EEF1E1: variants seen among roughly 807,000 people sequenced by gnomAD.
The protein encoded by EEF1E1 is eukaryotic translation elongation factor 1 epsilon 1.
A neutral mutation model predicts 19.9 loss-of-function variants in EEF1E1; 19 were observed. The observed-to-expected ratio is 0.95, with a 90% CI of 0.66 to 1.40. EEF1E1 has a LOEUF of 1.40. EEF1E1 is among the 40% of genes most tolerant of loss of function. The pLI is 0.00. For synonymous variants in EEF1E1, 81 were observed against 80.0 expected, an observed-to-expected ratio of 1.01 and a Z score of -0.07; for missense variants, 198 against 202.2, an observed-to-expected ratio of 0.98 and a Z score of 0.13.
At chr6:8,077,833 C>T (rs1013285527), downstream of EEF1E1, among the ~76,000 whole-genome samples, 1 of 152,100 alleles carries the variant, frequency 6.6e-6, no homozygotes, top group African/African-American at 2.4e-5. Flanking sequence ...ACTCTGTTGC[C>T]CAGGCTGGAG....
chr6:8,090,395 T>A, intron 2 of EEF1E1, 114 bp from the exon 3 acceptor site: 1 of 718,394 alleles, frequency 1.4e-6, no homozygotes, highest in Non-Finnish European at 2.0e-6. Flanking sequence ...TATTGCCATT[T>A]AATAAATTTA....
intron 3 of EEF1E1, among the ~76,000 whole-genome samples, chr6:8,088,273 C>G (rs976365124): frequency 2.0e-5 from 3 of 152,104 alleles, no homozygotes; most frequent in Admixed American, 6.5e-5. Context: ...AAAGGAAATA[C>G]AATCTGGAGC....
rs149393636 is a variant in EEF1E1 at position 8,101,742 on chromosome 6, T to C, written c.87+693A>G. On this transcript the variant is annotated intron_variant, in intron 1 of 3. Transcript: ENST00000379715. ...CTATAAAACACAAACGTTCTAACAG[T>C]GCCTAACCAGGCAATCTCATACCTT... 4.7e-5 allele frequency: 60 copies of C among 1,289,146 alleles called. No homozygotes were observed. The East Asian group carries it at 2.3e-3, about 50-fold the overall frequency. The allele number at this position is 1,289,146 out of a possible 1,614,324, so 79.9% of individuals were successfully genotyped here. A position where few individuals can be genotyped will look rare whatever the true frequency, so the allele number is the denominator to read the frequency against.
downstream of EEF1E1, among the ~76,000 whole-genome samples, chr6:8,078,197 T>C (rs1757641828): frequency 6.6e-6 from 1 of 152,226 alleles, no homozygotes; most frequent in African/African-American, 2.4e-5. Context: ...TAATCATTTC[T>C]AGAGAGAGAT....
chr6:8,087,313 G>C (rs926749138), intron 3 of EEF1E1, among the ~76,000 whole-genome samples: 1 of 152,190 alleles, frequency 6.6e-6, no homozygotes, highest in Admixed American at 6.5e-5. Context: ...TTCCTCCTGG[G>C]TTCAAGCAAT....
At chr6:8,097,507 G>C in intron 1 of EEF1E1, 40 bp from the exon 2 acceptor site, 2 of 1,537,376 alleles carry the variant, frequency 1.3e-6, no homozygotes, top group Non-Finnish European at 1.8e-6. Context: ...TAAAAAACAA[G>C]GACCACATCA....
At chr6:8,094,172 A>G (rs368556070) in intron 2 of EEF1E1, among the ~76,000 whole-genome samples, 178 of 152,302 alleles carry the variant, frequency 1.2e-3, no homozygotes, top group African/African-American at 4.1e-3. Flanking sequence ...AGGTAATACC[A>G]TGTTAGTTTT....
At chr6:8,087,091 G>C (rs982709899) in intron 3 of EEF1E1, among the ~76,000 whole-genome samples, 2 of 152,132 alleles carry the variant, frequency 1.3e-5, no homozygotes, top group African/African-American at 4.8e-5. Context: ...GAAGGGAAGG[G>C]CTGGGACCAG....
At chr6:8,079,301 G>T, downstream of EEF1E1, 2 of 578,554 alleles carry the variant, frequency 3.5e-6, no homozygotes, top group Non-Finnish European at 4.4e-6. Flanking sequence ...AACTCAAGAG[G>T]AATGTATCTT....
intron 3 of EEF1E1, among the ~76,000 whole-genome samples, chr6:8,084,611 G>A (rs1029478291): frequency 2.0e-5 from 3 of 152,180 alleles, no homozygotes; most frequent in Non-Finnish European, 4.4e-5. Context: ...CTGAACAGAC[G>A]TTCACTAGCC....
At chr6:8,097,178 G>A (rs1342164006) in intron 2 of EEF1E1, 89 bp downstream of exon 2, 1 of 1,308,832 alleles carries the variant, frequency 7.6e-7, no homozygotes, top group African/African-American at 1.5e-5. Context: ...AGGTGAAGAA[G>A]GCCAACAGCT....
At chr6:8,078,553 C>A (rs1034073733), downstream of EEF1E1, 2 of 801,062 alleles carry the variant, frequency 2.5e-6, no homozygotes, top group African/African-American at 1.9e-5. Flanking sequence ...AAAATGGTGC[C>A]AATAGTCTCG....
At chr6:8,079,318 G>A, downstream of EEF1E1, 1 of 763,708 alleles carries the variant, frequency 1.3e-6, no homozygotes, top group African/African-American at 1.9e-5. Flanking sequence ...TCTTACTCCA[G>A]TTTCCCGTAG....
chr6:8,099,789 C>A (rs200216658), intron 1 of EEF1E1, among the ~76,000 whole-genome samples: 20,377 of 88,058 alleles, frequency 0.23, 2,615 homozygotes, highest in African/African-American at 0.41. Context: ...CACACACACA[C>A]ACAAAAAAAA....
At chr6:8,087,807 CAT>C (rs35644475) in intron 3 of EEF1E1, among the ~76,000 whole-genome samples, 41,953 of 152,012 alleles carry the variant, frequency 0.28, 5,794 homozygotes, top group East Asian at 0.32. Flanking sequence ...GGAAAAGACA[CAT>C]GTGAGAGGCA....
chr6:8,078,034 C>T (rs2815162), downstream of EEF1E1, among the ~76,000 whole-genome samples: 39,571 of 152,148 alleles, frequency 0.26, 6,005 homozygotes, highest in East Asian at 0.43. Flanking sequence ...ACCTCCACAT[C>T]TCAAAGTGCT....
chr6:8,099,576 G>GT (rs1400224999), intron 1 of EEF1E1, among the ~76,000 whole-genome samples: 1 of 151,984 alleles, frequency 6.6e-6, no homozygotes, highest in Non-Finnish European at 1.5e-5. Context: ...GAGAAACCCC[G>GT]TCTCTACTAA....
At chr6:8,076,093 C>T (rs1757581201), downstream of EEF1E1, among the ~76,000 whole-genome samples, 1 of 152,108 alleles carries the variant, frequency 6.6e-6, no homozygotes, top group Non-Finnish European at 1.5e-5. Flanking sequence ...TTGTTTCCTC[C>T]ACTTAAGTCT....
intron 1 of EEF1E1, among the ~76,000 whole-genome samples, chr6:8,099,785 C>CAAAAA (rs1158370694): frequency 1.2e-4 from 11 of 94,380 alleles, no homozygotes; most frequent in African/African-American, 4.9e-4. Flanking sequence ...CACACACACA[C>CAAAAA]ACACACAAAA....
Sources: allele counts gnomAD v4.1 joint callset (sites outside exome capture counted in the v4.1 genomes callset), GRCh38; gene constraint gnomAD v4.1.1; transcripts MANE v1.5; gene names NCBI Gene and HGNC (gene_info 2026-07-23, HGNC 2026-07-21).